PSD3: variants seen among roughly 807,000 people sequenced by gnomAD.
PSD3 encodes the protein pleckstrin and Sec7 domain containing 3.
In PSD3, 49 loss-of-function variants were observed where a neutral mutation model predicts 105.5. The ratio of observed to expected loss-of-function variants is 0.46; its 90% CI spans 0.37 to 0.59. The LOEUF is 0.59. Ranked by LOEUF, PSD3 falls within the 20% of genes least tolerant of loss-of-function variation. The pLI is 0.00. For synonymous variants in PSD3, 557 were observed against 457.8 expected, an observed-to-expected ratio of 1.22 and a Z score of -2.77; for missense variants, 1,561 against 1,263.8, an observed-to-expected ratio of 1.24 and a Z score of -3.57.
intron 6 of PSD3, chr8:18,803,181 G>C (rs1810864935): frequency 4.2e-6 from 1 of 240,914 alleles, no homozygotes; most frequent in African/African-American, 2.4e-5. Flanking sequence ...CAGTTATTCG[G>C]GAGGCTGATT....
intron 15 of PSD3, among the ~76,000 whole-genome samples, chr8:18,552,116 C>G (rs1055209039): frequency 5.9e-5 from 9 of 152,186 alleles, no homozygotes; most frequent in African/African-American, 2.2e-4. Context: ...ACATACAATT[C>G]ATTGGCATTG....
At chr8:18,591,843 G>A (rs1356443003) in intron 12 of PSD3, among the ~76,000 whole-genome samples, 1 of 152,118 alleles carries the variant, frequency 6.6e-6, no homozygotes, top group African/African-American at 2.4e-5. Flanking sequence ...CAGATAACTT[G>A]CAGTGTTGCA....
At chr8:19,055,692 C>A (rs771928222) in intron 1 of PSD3, among the ~76,000 whole-genome samples, 3 of 152,230 alleles carry the variant, frequency 2.0e-5, no homozygotes, top group African/African-American at 4.8e-5. Context: ...ATGATACAGA[C>A]TGTTGACAAA....
intron 1 of PSD3, among the ~76,000 whole-genome samples, chr8:19,073,714 C>T (rs768103781): frequency 1.3e-5 from 2 of 151,866 alleles, no homozygotes; most frequent in African/African-American, 2.4e-5. Flanking sequence ...CATTTTAGTT[C>T]AGGGGTCACA....
At chr8:18,567,516 C>G (rs1424498204) in intron 14 of PSD3, among the ~76,000 whole-genome samples, 3 of 151,998 alleles carry the variant, frequency 2.0e-5, no homozygotes, top group African/African-American at 7.2e-5. Flanking sequence ...GTACTTATTA[C>G]CCTTAAAAAT....
chr8:18,901,689 C>A (rs762380763), intron 2 of PSD3, among the ~76,000 whole-genome samples: 3 of 152,116 alleles, frequency 2.0e-5, no homozygotes, highest in Non-Finnish European at 4.4e-5. Context: ...GCAGGACTCC[C>A]TTGAGCACTT....
chr8:18,920,040 A>G (rs886902332), intron 2 of PSD3, among the ~76,000 whole-genome samples: 1 of 103,572 alleles, frequency 9.7e-6, no homozygotes, highest in Non-Finnish European at 2.5e-5. Context: ...AACAATCACA[A>G]AAAAAAAAAA....
At chr8:18,970,207 C>T (rs932091285) in intron 1 of PSD3, among the ~76,000 whole-genome samples, 3 of 150,886 alleles carry the variant, frequency 2.0e-5, no homozygotes, top group Non-Finnish European at 4.4e-5. Flanking sequence ...CACCTGTAGT[C>T]CCAGCTACTC....
At chr8:18,768,513 C>T (rs1807222735) in intron 8 of PSD3, among the ~76,000 whole-genome samples, 1 of 152,114 alleles carries the variant, frequency 6.6e-6, no homozygotes, top group South Asian at 2.1e-4. Flanking sequence ...GGCAAGATCG[C>T]TTGAGCCCAG....
chr8:18,696,064 A>G (rs982652979), intron 9 of PSD3, among the ~76,000 whole-genome samples: 14 of 152,194 alleles, frequency 9.2e-5, no homozygotes, highest in Non-Finnish European at 1.8e-4. Context: ...CTGAGATGAA[A>G]AAAGGTGCCT....
intron 9 of PSD3, among the ~76,000 whole-genome samples, chr8:18,662,587 T>A (rs1159239493): frequency 6.6e-6 from 1 of 152,214 alleles, no homozygotes; most frequent in Non-Finnish European, 1.5e-5. Context: ...CTTGTACATT[T>A]AAGACAAATC....
chr8:18,792,891 G>A (rs1809855268), intron 8 of PSD3, among the ~76,000 whole-genome samples: 1 of 152,154 alleles, frequency 6.6e-6, no homozygotes, highest in Non-Finnish European at 1.5e-5. Flanking sequence ...GTTTATTGCG[G>A]CACTATTCAC....
rs1020791420 is a variant in PSD3 at position 18,541,494 on chromosome 8, G to A, written c.2929-5536C>T. Reference sequence around the variant, plus strand: ...TTCAGTATCCCACCGTTCCAATGATGTTTTTCACAAAAATGCTAAGGTCTG... The same window carrying A: ...TTCAGTATCCCACCGTTCCAATGATATTTTTCACAAAAATGCTAAGGTCTG... On this transcript the variant is annotated intron_variant, in intron 15 of 15. Coordinates refer to ENST00000327040, the MANE Select transcript of PSD3 (RefSeq NM_015310.4). 2.0e-5 allele frequency among the ~76,000 whole-genome samples: 3 copies of A among 152,086 alleles called. No homozygotes were observed. In the South Asian group the frequency reaches 6.2e-4, roughly 32 times the overall value.
At chr8:18,686,353 G>T (rs114000592) in intron 9 of PSD3, among the ~76,000 whole-genome samples, 2,411 of 152,226 alleles carry the variant, frequency 0.016, 65 homozygotes, top group African/African-American at 0.054. Context: ...GCAGATTCTC[G>T]CATGAAGTAT....
chr8:18,601,681 A>G (rs1313135147), intron 11 of PSD3, among the ~76,000 whole-genome samples: 2 of 152,234 alleles, frequency 1.3e-5, no homozygotes, highest in African/African-American at 4.8e-5. Flanking sequence ...TATACTAAAA[A>G]TACATATAAC....
intron 15 of PSD3, among the ~76,000 whole-genome samples, chr8:18,544,756 AT>A (rs1415476964): frequency 1.3e-5 from 2 of 152,132 alleles, no homozygotes; most frequent in Admixed American, 6.5e-5. Context: ...TGAGAACTTC[AT>A]TTGTCTGCAT....
chr8:18,959,938 A>T (rs1010026869), intron 1 of PSD3, among the ~76,000 whole-genome samples: 2 of 152,196 alleles, frequency 1.3e-5, no homozygotes, highest in African/African-American at 4.8e-5. Flanking sequence ...ACATGAGGCC[A>T]GGGAAATGTC....
chr8:18,843,909 T>G (rs991057899), intron 4 of PSD3, among the ~76,000 whole-genome samples: 10 of 132,948 alleles, frequency 7.5e-5, no homozygotes, highest in African/African-American at 2.5e-4. Flanking sequence ...CTTTATAAGA[T>G]AGACTATTTT....
chr8:18,984,602 G>C (rs972721437), intron 1 of PSD3, among the ~76,000 whole-genome samples: 1 of 152,064 alleles, frequency 6.6e-6, no homozygotes, highest in Non-Finnish European at 1.5e-5. Flanking sequence ...TTTAAAATGA[G>C]GCCACAATAT....
Sources: allele counts gnomAD v4.1 joint callset (sites outside exome capture counted in the v4.1 genomes callset), GRCh38; gene constraint gnomAD v4.1.1; transcripts MANE v1.5; gene names NCBI Gene and HGNC (gene_info 2026-07-23, HGNC 2026-07-21).